SUSD4: variants seen among roughly 807,000 people sequenced by gnomAD.
The protein encoded by SUSD4 is sushi domain containing 4, also known as sushi domain-containing protein 4.
SUSD4 carries 41 observed loss-of-function variants against 50.5 expected under a neutral mutation model. The observed-to-expected ratio is 0.81, with a 90% confidence interval of 0.63 to 1.05. The LOEUF is 1.05. Among genes scored for constraint, SUSD4 ranks in the 50% least tolerant of loss-of-function variants. The pLI, the probability that SUSD4 is intolerant of heterozygous loss-of-function variation, is 0.00. For missense variants in SUSD4, 580 were observed against 634.7 expected, an observed-to-expected ratio of 0.91 and a Z score of 0.93; for synonymous variants, 257 against 257.3, an observed-to-expected ratio of 1.00 and a Z score of 0.01.
intron 2 of SUSD4, among the ~76,000 whole-genome samples, chr1:223,304,888 G>A (rs1185218389): frequency 8.7e-5 from 11 of 125,940 alleles, no homozygotes; most frequent in Non-Finnish European, 1.4e-4. Flanking sequence ...CCAGTTCCCC[G>A]AAGAATGAAA....
chr1:223,326,670 T>C (rs1666894409), intron 2 of SUSD4, among the ~76,000 whole-genome samples: 2 of 151,928 alleles, frequency 1.3e-5, no homozygotes, highest in East Asian at 1.9e-4. Flanking sequence ...AACAATCCTA[T>C]TAAAAAGTGG....
chr1:223,232,321 A>T (rs958792807), intron 5 of SUSD4, among the ~76,000 whole-genome samples: 7 of 152,222 alleles, frequency 4.6e-5, no homozygotes, highest in Admixed American at 4.6e-4. Context: ...CAGGAAATGG[A>T]TTATGTTAAC....
chr1:223,273,068 T>C (rs1318406805), intron 3 of SUSD4, among the ~76,000 whole-genome samples: 3 of 152,202 alleles, frequency 2.0e-5, no homozygotes, highest in Non-Finnish European at 4.4e-5. Context: ...ATGACATTTA[T>C]TAAGCTGAGA....
chr1:223,327,063 T>C (rs995929219), intron 2 of SUSD4, among the ~76,000 whole-genome samples: 3 of 152,170 alleles, frequency 2.0e-5, no homozygotes, highest in Non-Finnish European at 2.9e-5. Flanking sequence ...AGCAGCACAA[T>C]TCACAATTGC....
chr1:223,313,760 T>A (rs758351502), intron 2 of SUSD4, among the ~76,000 whole-genome samples: 1 of 152,170 alleles, frequency 6.6e-6, no homozygotes, highest in Non-Finnish European at 1.5e-5. Flanking sequence ...AAGATGGCTA[T>A]GAAAGTGACC....
rs114415961 is a variant in SUSD4, at chr1:223,306,694, T to C, written c.149-14043A>G. ...TTTTGGTAGAGACAGAATTTTGTCA[T>C]GTTGCCCAAGCTGGTCTTGAACTCC... is the stretch of plus-strand genomic sequence containing the variant. On this transcript the variant is annotated intron_variant, in intron 2 of 8. Coordinates refer to ENST00000366878, the MANE Select transcript of SUSD4 (RefSeq NM_017982.4). Among the ~76,000 whole-genome samples, 353 of 152,302 alleles carry C rather than the reference T, an allele frequency of 2.3e-3. 3 individuals carry two copies. Among genetic ancestry groups the C allele is most frequent in the African/African-American group, 7.8e-3 (326 of 41,572 alleles).
At chr1:223,259,090 G>A (rs1169784138) in intron 5 of SUSD4, among the ~76,000 whole-genome samples, 2 of 152,160 alleles carry the variant, frequency 1.3e-5, no homozygotes, top group African/African-American at 4.8e-5. Flanking sequence ...TGCTATGTGA[G>A]CCCCAGGGGG....
Position 223,235,484 on chromosome 1 carries a change from G to GC in SUSD4, c.725-6097dup, listed in dbSNP as rs1047743227. On this transcript the variant is annotated intron_variant, in intron 5 of 8. Coordinates refer to ENST00000366878, the MANE Select transcript of SUSD4 (RefSeq NM_017982.4). Reference sequence around the variant, plus strand: ...AGTTATCATGCAGGGTAGTTTCATTGCCCCCCCAAATCCTCTGTGCTCTGC... The same window carrying GC: ...AGTTATCATGCAGGGTAGTTTCATTGCCCCCCCCAAATCCTCTGTGCTCTGC... Among the ~76,000 whole-genome samples, 44 of 151,844 alleles carry GC rather than the reference G, an allele frequency of 2.9e-4. 1 individual carries two copies. Among genetic ancestry groups the GC allele is most frequent in the African/African-American group, 8.2e-4 (34 of 41,412 alleles).
At chr1:223,357,051 C>T (rs1159937169) in intron 2 of SUSD4, among the ~76,000 whole-genome samples, 1 of 152,158 alleles carries the variant, frequency 6.6e-6, no homozygotes, top group Non-Finnish European at 1.5e-5. Flanking sequence ...CAGAAGGCCC[C>T]AGAAACCAGC....
intron 2 of SUSD4, among the ~76,000 whole-genome samples, chr1:223,308,858 C>T (rs929717041): frequency 6.6e-6 from 1 of 152,098 alleles, no homozygotes; most frequent in African/African-American, 2.4e-5. Flanking sequence ...GGCATCTTGA[C>T]CTGATGGCAC....
chr1:223,347,170 T>A (rs949663607), intron 2 of SUSD4, among the ~76,000 whole-genome samples: 1 of 152,184 alleles, frequency 6.6e-6, no homozygotes, highest in South Asian at 2.1e-4. Context: ...TGGGCATCCA[T>A]CCCTTCAAGC....
chr1:223,316,299 G>A (rs1165108042), intron 2 of SUSD4, among the ~76,000 whole-genome samples: 2 of 152,158 alleles, frequency 1.3e-5, no homozygotes, highest in Non-Finnish European at 2.9e-5. Context: ...GGGGAGAAGT[G>A]AGGGAGAATA....
At chr1:223,257,863 C>G (rs990578321) in intron 5 of SUSD4, among the ~76,000 whole-genome samples, 1 of 152,174 alleles carries the variant, frequency 6.6e-6, no homozygotes, top group African/African-American at 2.4e-5. Flanking sequence ...TGATTCGGGT[C>G]TGGGGAAGTG....
At chr1:223,333,839 G>A (rs1667310856) in intron 2 of SUSD4, among the ~76,000 whole-genome samples, 1 of 152,152 alleles carries the variant, frequency 6.6e-6, no homozygotes, top group Non-Finnish European at 1.5e-5. Flanking sequence ...ACCACAGCAT[G>A]AGAGGACAGG....
intron 5 of SUSD4, among the ~76,000 whole-genome samples, chr1:223,240,293 T>G (rs1456264185): frequency 6.6e-6 from 1 of 152,212 alleles, no homozygotes; most frequent in Non-Finnish European, 1.5e-5. Flanking sequence ...TTGTTTTGCA[T>G]GTATCCTGTC....
chr1:223,245,746 G>A (rs1433276103), intron 5 of SUSD4, among the ~76,000 whole-genome samples: 1 of 152,198 alleles, frequency 6.6e-6, no homozygotes, highest in Non-Finnish European at 1.5e-5. Flanking sequence ...TGGCGGCCTG[G>A]ACCAGGACAG....
chr1:223,223,695 T>C (rs851149), intron 7 of SUSD4, 64 bp from the exon 8 acceptor site: 471,511 of 1,507,220 alleles, frequency 0.31, 75,328 homozygotes, highest in African/African-American at 0.33. Context: ...AGGCCACCCA[T>C]ACTCCCTCCT....
At chr1:223,294,065 A>C (rs534467750) in intron 2 of SUSD4, among the ~76,000 whole-genome samples, 33 of 152,282 alleles carry the variant, frequency 2.2e-4, no homozygotes, top group Admixed American at 9.8e-4. Context: ...AACAATGCAA[A>C]CTCCAGAACA....
intron 5 of SUSD4, among the ~76,000 whole-genome samples, chr1:223,233,536 T>A (rs79107581): frequency 0.015 from 2,246 of 152,146 alleles, 28 homozygotes; most frequent in Non-Finnish European, 0.024. Flanking sequence ...AGACAGACAG[T>A]TCCACACAGA....
Sources: allele counts gnomAD v4.1 joint callset (sites outside exome capture counted in the v4.1 genomes callset), GRCh38; gene constraint gnomAD v4.1.1; transcripts MANE v1.5; gene names NCBI Gene and HGNC (gene_info 2026-07-23, HGNC 2026-07-21).